Variants in MSH3 observed in about 807,000 individuals in gnomAD.
MSH3 encodes mutS homolog 3.
MSH3 carries 106 observed loss-of-function variants against 123.3 expected under a neutral mutation model. That is an observed-to-expected ratio of 0.86 (90% CI 0.73 to 1.01). The LOEUF is 1.01. Ranked by LOEUF, MSH3 falls within the 50% of genes least tolerant of loss-of-function variation. MSH3 has a pLI of 0.00. For synonymous variants in MSH3, 515 were observed against 481.4 expected (o/e 1.07, Z -0.91); for missense variants, 1,459 against 1,347.6 (o/e 1.08, Z -1.29).
intron 12 of MSH3, among the ~76,000 whole-genome samples, chr5:80,759,793 G>C (rs1451538078): frequency 6.6e-6 from 1 of 152,168 alleles, no homozygotes; most frequent in Admixed American, 6.5e-5. Context: ...TGGCTGTAGA[G>C]GTGGAGAGTG....
At chr5:80,861,598 G>A (rs1053564084) in intron 21 of MSH3, among the ~76,000 whole-genome samples, 3 of 152,098 alleles carry the variant, frequency 2.0e-5, no homozygotes, top group Non-Finnish European at 2.9e-5. Flanking sequence ...AAGCATAAGG[G>A]GAATTTACTC....
Position 80,665,259 on chromosome 5 carries a change from A to G in MSH3, c.475A>G (p.Arg159Gly), listed in dbSNP as rs1749543623. 1.2e-6 allele frequency: 2 copies of G among 1,614,030 alleles called. No homozygotes were observed. The highest frequency in any genetic ancestry group is 1.7e-6 in the Non-Finnish European group (2 of 1,179,964). ...AGTCCAGACAGAATCTCTGCAGGAG[A>G]GATTTGCAGTTCTGCCAAAATGTAC... ...SRVQTESLQE[R>G]FAVLPKCTDF... The change falls in exon 3 of 24, where the codon AGA becomes GGA. Residue 159 changes from arginine (R) to glycine (G), a missense_variant. Coordinates refer to ENST00000265081, the MANE Select transcript of MSH3 (RefSeq NM_002439.5).
intron 21 of MSH3, among the ~76,000 whole-genome samples, chr5:80,857,204 G>GGTTA (rs1253900534): frequency 6.6e-6 from 1 of 152,122 alleles, no homozygotes; most frequent in African/African-American, 2.4e-5. Flanking sequence ...TACGTTAACT[G>GGTTA]GTGTTCAAAT....
At chr5:80,785,910 A>T (rs909708606) in intron 17 of MSH3, among the ~76,000 whole-genome samples, 4 of 143,082 alleles carry the variant, frequency 2.8e-5, no homozygotes. Flanking sequence ...CAAACACCAC[A>T]TGTTCTTACT....
At chr5:80,820,618 T>A (rs1012074794) in intron 20 of MSH3, among the ~76,000 whole-genome samples, 4 of 152,178 alleles carry the variant, frequency 2.6e-5, no homozygotes, top group African/African-American at 9.7e-5. Context: ...TAGTCCAAAT[T>A]TCTGGAATCT....
At chr5:80,760,378 A>G (rs1219441566) in intron 12 of MSH3, among the ~76,000 whole-genome samples, 3 of 152,218 alleles carry the variant, frequency 2.0e-5, no homozygotes, top group Non-Finnish European at 4.4e-5. Flanking sequence ...TGATACATTT[A>G]GTCCATCAGA....
intron 20 of MSH3, among the ~76,000 whole-genome samples, chr5:80,842,710 A>G (rs547164960): frequency 6.6e-6 from 1 of 151,614 alleles, no homozygotes; most frequent in Non-Finnish European, 1.5e-5. Context: ...CTATTTGTCT[A>G]TTATTGGTGT....
At chr5:80,824,210 T>C (rs993529287) in intron 20 of MSH3, among the ~76,000 whole-genome samples, 1 of 152,218 alleles carries the variant, frequency 6.6e-6, no homozygotes. Context: ...AGCTGTTGGG[T>C]ACACCTCCCA....
intron 8 of MSH3, among the ~76,000 whole-genome samples, chr5:80,698,066 C>T (rs1438765723): frequency 2.0e-5 from 3 of 151,938 alleles, no homozygotes; most frequent in African/African-American, 7.3e-5. Context: ...CTCAACCACA[C>T]CCAGCTAATT....
At chr5:80,821,824 G>A (rs1489507806) in intron 20 of MSH3, among the ~76,000 whole-genome samples, 2 of 152,348 alleles carry the variant, frequency 1.3e-5, no homozygotes, top group African/African-American at 2.4e-5. Context: ...TAAAGAGGAA[G>A]CTTGCTTCCC....
chr5:80,744,648 G>A, intron 12 of MSH3, 33 bp downstream of exon 12: 1 of 1,501,834 alleles, frequency 6.7e-7, no homozygotes, highest in South Asian at 1.2e-5. Flanking sequence ...TGTTTAATCT[G>A]AAATTATAAA....
chr5:80,850,292 A>G (rs1026421160), intron 20 of MSH3, among the ~76,000 whole-genome samples: 2 of 151,888 alleles, frequency 1.3e-5, no homozygotes, highest in East Asian at 3.9e-4. Flanking sequence ...AGCCCTCCAA[A>G]CTGTTGCAAC....
intron 19 of MSH3, among the ~76,000 whole-genome samples, chr5:80,799,713 T>C (rs1744760919): frequency 6.6e-6 from 1 of 152,112 alleles, no homozygotes; most frequent in South Asian, 2.1e-4. Context: ...TATGATTCCC[T>C]GTCATTGAGC....
At chr5:80,786,381 G>A (rs981582227) in intron 17 of MSH3, among the ~76,000 whole-genome samples, 4 of 152,106 alleles carry the variant, frequency 2.6e-5, no homozygotes, top group African/African-American at 9.7e-5. Context: ...TACCTTTATG[G>A]TTGTTGTAAA....
chr5:80,761,731 A>G (rs1653782010), intron 13 of MSH3, 53 bp downstream of exon 13: 2 of 1,602,386 alleles, frequency 1.2e-6, no homozygotes, highest in Admixed American at 3.3e-5. Context: ...GCTTGAGGAC[A>G]CTATATATTA....
intron 12 of MSH3, among the ~76,000 whole-genome samples, chr5:80,760,157 G>C (rs1744006398): frequency 6.6e-6 from 1 of 152,198 alleles, no homozygotes; most frequent in Non-Finnish European, 1.5e-5. Context: ...TTCAGTGGCT[G>C]ATGCCTCCTT....
Position 80,654,898 on chromosome 5 carries a change from C to G in MSH3, c.171C>G (p.Ala57=), listed in dbSNP as rs201906899. The change falls in exon 1 of 24, where the codon GCC becomes GCG. Residue 57 remains alanine, a synonymous_variant. Transcript: ENST00000265081. Reference sequence around the variant, plus strand: ...CTGGCGCTGCAGCGGCTGCAGCGGCCGCAGCGGCCGCAGCGCCCCCAGCGC... The same window carrying G: ...CTGGCGCTGCAGCGGCTGCAGCGGCGGCAGCGGCCGCAGCGCCCCCAGCGC... ...VDPGAAAAAA[A]AAAAAPPAPP... 3 of 820,034 alleles carry G rather than the reference C, an allele frequency of 3.7e-6. No homozygotes were observed. The highest frequency in any genetic ancestry group is 3.2e-5 in the Admixed American group (1 of 31,230). The allele number at this position is 820,034 out of a possible 1,614,324, so 50.8% of individuals were successfully genotyped here.
intron 8 of MSH3, among the ~76,000 whole-genome samples, chr5:80,682,128 C>A (rs1749986134): frequency 6.6e-6 from 1 of 152,104 alleles, no homozygotes; most frequent in Admixed American, 6.6e-5. Flanking sequence ...GTTCCTACAG[C>A]TAATTTATAT....
chr5:80,764,266 T>C (rs1744087499), intron 13 of MSH3, among the ~76,000 whole-genome samples: 1 of 152,250 alleles, frequency 6.6e-6, no homozygotes, highest in African/African-American at 2.4e-5. Flanking sequence ...TAGCATAGGC[T>C]GTATGGTTTT....
Sources: gnomAD v4.1 joint callset for allele counts (sites outside exome capture counted in the v4.1 genomes callset) on GRCh38, gnomAD v4.1.1 for gene constraint, MANE v1.5 for transcripts, NCBI Gene and HGNC (gene_info 2026-07-23, HGNC 2026-07-21) for gene names.